TUNAR: variants seen among roughly 807,000 people sequenced by gnomAD.
TUNAR encodes the protein transmembrane neural differentiation associated intracellular calcium regulator.
In TUNAR at chr14:95,895,793, C is replaced by T. The variant is rs770195003; in HGVS notation, c.12+18616C>T. Reference sequence around the variant, plus strand: ...TTGCCCCCACTGGAACACTCTCCCGCTTCTCTTCCTCCTTCAGATCTCAGC... The same window carrying T: ...TTGCCCCCACTGGAACACTCTCCCGTTTCTCTTCCTCCTTCAGATCTCAGC... On this transcript the variant is annotated intron_variant, in intron 2 of 2. Transcript: ENST00000678517. The surrounding 1 kb of genome is among the most constrained non-coding windows in gnomAD (Gnocchi z 4.5). 1 of 152,394 alleles carries T rather than the reference C, an allele frequency of 6.6e-6. No individual in the cohort carries two copies. Among genetic ancestry groups the T allele is most frequent in the Non-Finnish European group, 1.5e-5 (1 of 68,162 alleles). 9.4% of individuals were successfully genotyped at this position (152,394 alleles called of 1,614,324 possible).
intron 2 of TUNAR, among the ~76,000 whole-genome samples, chr14:95,896,775 A>G (rs1423716477): frequency 4.6e-5 from 7 of 152,236 alleles, no homozygotes; most frequent in Admixed American, 2.0e-4. Context: ...TGTTGATATC[A>G]TGCGGCAGCA....
intron 2 of TUNAR, among the ~76,000 whole-genome samples, chr14:95,894,861 A>G (rs1458348426): frequency 6.6e-6 from 1 of 151,908 alleles, no homozygotes; most frequent in Non-Finnish European, 1.5e-5. Context: ...GGAGAGAGTG[A>G]GGACCCAGAG....
intron 2 of TUNAR, among the ~76,000 whole-genome samples, chr14:95,888,894 A>G (rs562048228): frequency 6.6e-6 from 1 of 152,264 alleles, no homozygotes; most frequent in African/African-American, 2.4e-5. Context: ...TGCTTAGGTG[A>G]CTTACACAAG....
At chr14:95,883,995 A>G (rs1364643119) in intron 2 of TUNAR, among the ~76,000 whole-genome samples, 2 of 152,062 alleles carry the variant, frequency 1.3e-5, no homozygotes, top group Non-Finnish European at 2.9e-5. Flanking sequence ...GTGTCGAATC[A>G]GTAATGCCCC....
intron 2 of TUNAR, among the ~76,000 whole-genome samples, chr14:95,884,690 TAACTC>T (rs888808725): frequency 2.6e-5 from 4 of 152,194 alleles, no homozygotes; most frequent in Non-Finnish European, 4.4e-5. Context: ...GCTGGACTAT[TAACTC>T]AGCCACTTTT....
chr14:95,890,317 C>T (rs1889158881), intron 2 of TUNAR, among the ~76,000 whole-genome samples: 1 of 152,214 alleles, frequency 6.6e-6, no homozygotes, highest in South Asian at 2.1e-4. Context: ...TCCTCTCCAA[C>T]TTCAGGTTTT....
exon 3 of TUNAR, chr14:95,923,980 T>A (rs1290673132): frequency 2.6e-5 from 4 of 152,202 alleles, no homozygotes; most frequent in Non-Finnish European, 5.9e-5. Context: ...CGTGGCTATA[T>A]TTGCAGATGA....
intron 2 of TUNAR, among the ~76,000 whole-genome samples, chr14:95,901,568 C>T (rs1032544378): frequency 2.0e-5 from 3 of 152,184 alleles, no homozygotes; most frequent in African/African-American, 7.2e-5. Context: ...GGTTGACAGC[C>T]CTGGCGCCTA....
At chr14:95,898,390 C>G (rs1889297119) in intron 2 of TUNAR, among the ~76,000 whole-genome samples, 1 of 152,070 alleles carries the variant, frequency 6.6e-6, no homozygotes, top group Non-Finnish European at 1.5e-5. Flanking sequence ...TTCTGGATGC[C>G]CAGTGGCCCC....
chr14:95,898,897 A>G (rs556850360), intron 2 of TUNAR, among the ~76,000 whole-genome samples: 1 of 152,274 alleles, frequency 6.6e-6, no homozygotes, highest in East Asian at 1.9e-4. Context: ...AGTTGAAAAA[A>G]GTCTAGCAGC....
intron 2 of TUNAR, among the ~76,000 whole-genome samples, chr14:95,880,512 C>G (rs189778059): frequency 2.1e-4 from 32 of 152,252 alleles, no homozygotes; most frequent in African/African-American, 7.5e-4. Flanking sequence ...GATGCAAGAA[C>G]TATTATGTAA....
At chr14:95,920,189 C>T (rs7143194) in intron 2 of TUNAR, among the ~76,000 whole-genome samples, 15,549 of 152,170 alleles carry the variant, frequency 0.1, 948 homozygotes, top group South Asian at 0.22. Context: ...ATTCCATTTA[C>T]GCAGAATTCA....
intron 2 of TUNAR, among the ~76,000 whole-genome samples, chr14:95,894,352 C>G (rs991180510): frequency 1.3e-5 from 2 of 152,148 alleles, no homozygotes; most frequent in African/African-American, 2.4e-5. Flanking sequence ...GCTTGGGGAC[C>G]CCCTAAATGA....
At chr14:95,900,775 C>A (rs1333144267) in intron 2 of TUNAR, among the ~76,000 whole-genome samples, 4 of 152,152 alleles carry the variant, frequency 2.6e-5, no homozygotes, top group Non-Finnish European at 4.4e-5. Flanking sequence ...TTTCAAAGAA[C>A]TGTGGGCATT....
rs75889290 is a variant in TUNAR, at chr14:95,912,265, T to C, written c.13-10516T>C. Among the ~76,000 whole-genome samples the C allele has an allele frequency of 9.3e-3, 1,411 of 152,310 alleles. 27 individuals carry two copies. Among genetic ancestry groups the C allele is most frequent in the African/African-American group, 0.032 (1,343 of 41,558 alleles). Reference sequence around the variant, plus strand: ...ATCTTACTTGCACTATATTGTACTTTGTATTTTTACTTTAGTCCCCATAAT... The same window carrying C: ...ATCTTACTTGCACTATATTGTACTTCGTATTTTTACTTTAGTCCCCATAAT... On this transcript the variant is annotated intron_variant, in intron 2 of 2. Coordinates refer to ENST00000678517, the Ensembl canonical transcript of TUNAR.
At chr14:95,893,191 G>C (rs1231754725) in intron 2 of TUNAR, among the ~76,000 whole-genome samples, 2 of 152,110 alleles carry the variant, frequency 1.3e-5, no homozygotes, top group Admixed American at 6.5e-5. Context: ...CCAAGCAGTT[G>C]GGGACAGGGA....
intron 2 of TUNAR, among the ~76,000 whole-genome samples, chr14:95,888,169 C>T (rs1036052900): frequency 2.0e-5 from 3 of 152,196 alleles, no homozygotes; most frequent in African/African-American, 4.8e-5. Flanking sequence ...CCTGTTTTCT[C>T]TTCTGAGAAA....
intron 2 of TUNAR, among the ~76,000 whole-genome samples, chr14:95,905,835 C>T (rs1191271356): frequency 1.3e-5 from 2 of 152,144 alleles, no homozygotes; most frequent in East Asian, 3.9e-4. Context: ...TTTATTGGAA[C>T]TCTACTGTAA....
At chr14:95,916,811 C>T (rs1889613579) in intron 2 of TUNAR, among the ~76,000 whole-genome samples, 1 of 152,194 alleles carries the variant, frequency 6.6e-6, no homozygotes, top group Admixed American at 6.5e-5. Context: ...TGTTTTAGTT[C>T]TTGCCAATCT....
Sources: gnomAD v4.1 joint callset for allele counts (sites outside exome capture counted in the v4.1 genomes callset) on GRCh38, gnomAD v4.1.1 for gene constraint, Gnocchi (gnomAD v3.1) non-coding constraint, MANE v1.5 for transcripts, NCBI Gene and HGNC (gene_info 2026-07-23, HGNC 2026-07-21) for gene names.